The following DPP6 variants were observed in gnomAD, a reference collection of about 807,000 sequenced individuals.
DPP6 encodes A-type potassium channel modulatory protein DPP6.
Under a neutral mutation model 122.6 loss-of-function variants are expected in DPP6, and 69 were observed. That is an observed-to-expected ratio of 0.56 (90% CI 0.46 to 0.69). DPP6 has a LOEUF of 0.69. Ranked by LOEUF, DPP6 falls within the 30% of genes least tolerant of loss-of-function variation. DPP6 has a pLI of 0.00. For missense variants in DPP6, 928 were observed against 1,116.9 expected (o/e 0.83, Z 2.41); for synonymous variants, 418 against 433.1 (o/e 0.97, Z 0.43).
At chr7:154,852,680 G>A (rs1802507058) in intron 16 of DPP6, among the ~76,000 whole-genome samples, 3 of 152,184 alleles carry the variant, frequency 2.0e-5, no homozygotes, top group African/African-American at 7.2e-5. Context: ...TGACTGTCTC[G>A]GAGCTTACAT....
chr7:154,476,556 C>G (rs920320725), intron 3 of DPP6, among the ~76,000 whole-genome samples: 1 of 152,168 alleles, frequency 6.6e-6, no homozygotes, highest in Non-Finnish European at 1.5e-5. Flanking sequence ...TCCTAACACA[C>G]AAGACTCAGA....
chr7:154,876,370 G>C (rs970703653), intron 20 of DPP6: 7 of 494,866 alleles, frequency 1.4e-5, no homozygotes, highest in Non-Finnish European at 1.9e-5. Flanking sequence ...GGTTGGGTTG[G>C]CTTGGCTTTT....
chr7:154,807,176 G>A lies in DPP6; in HGVS notation c.1666+64G>A. ...CAGGCACATTTGCAGGGAGGGGGTG[G>A]GCACACTTGCAGGGAGGGGGCAGCG... is the stretch of plus-strand genomic sequence containing the variant. On this transcript the variant is annotated intron_variant, in intron 16 of 25. Transcript: ENST00000377770. 3.2e-6 allele frequency: 5 copies of A among 1,584,470 alleles called. No individual in the cohort carries two copies. The South Asian group carries it at 5.7e-5, about 18-fold the overall frequency.
chr7:154,050,777 T>C (rs538424577), upstream of DPP6, among the ~76,000 whole-genome samples: 34 of 123,636 alleles, frequency 2.8e-4, no homozygotes, highest in Non-Finnish European at 5.4e-4. Context: ...TGGTTTTACT[T>C]GGTTTTGTAT....
At chr7:154,247,218 C>T (rs941454000) in intron 1 of DPP6, among the ~76,000 whole-genome samples, 1 of 152,142 alleles carries the variant, frequency 6.6e-6, no homozygotes, top group Non-Finnish European at 1.5e-5. Flanking sequence ...GAGGCTGAGG[C>T]AGGAGAATCC....
the DPP6 span, among the ~76,000 whole-genome samples, chr7:153,826,498 C>T: frequency 3.9e-5 from 6 of 152,032 alleles, no homozygotes; most frequent in African/African-American, 1.2e-4. Flanking sequence ...TTTTGGTCTG[C>T]GACATTTTTA....
chr7:154,691,026 C>G (rs1264104792), intron 7 of DPP6, among the ~76,000 whole-genome samples: 1 of 152,034 alleles, frequency 6.6e-6, no homozygotes, highest in Non-Finnish European at 1.5e-5. Context: ...GGTTGTCAGG[C>G]GGAAAAGGTT....
chr7:154,375,999 A>G (rs1480338707), intron 1 of DPP6, among the ~76,000 whole-genome samples: 1 of 152,162 alleles, frequency 6.6e-6, no homozygotes, highest in Admixed American at 6.5e-5. Context: ...AGGTTGGTGC[A>G]TTTCACATTA....
intron 1 of DPP6, among the ~76,000 whole-genome samples, chr7:154,429,238 G>A (rs1190734509): frequency 6.6e-6 from 1 of 151,534 alleles, no homozygotes; most frequent in Non-Finnish European, 1.5e-5. Context: ...AATGAGTTCT[G>A]GGAAATCCAT....
intron 3 of DPP6, 85 bp from the exon 4 acceptor site, chr7:154,540,447 A>G: frequency 1.2e-6 from 1 of 846,710 alleles, no homozygotes; most frequent in South Asian, 1.5e-5. Context: ...AGAACTAGTG[A>G]TTTTACTTTA....
At chr7:153,895,646 G>C (rs1584996587) in intron 1 of DPP6, among the ~76,000 whole-genome samples, 1 of 151,762 alleles carries the variant, frequency 6.6e-6, no homozygotes, top group Non-Finnish European at 1.5e-5. Flanking sequence ...AAAATCTAGA[G>C]CATTCATGCA....
At chr7:154,670,140 G>A (rs1435087511) in intron 7 of DPP6, among the ~76,000 whole-genome samples, 18 of 150,410 alleles carry the variant, frequency 1.2e-4, no homozygotes, top group Admixed American at 3.3e-4. Context: ...CATTACAGGC[G>A]TGAGCTACCG....
intron 1 of DPP6, among the ~76,000 whole-genome samples, chr7:154,173,801 C>T (rs1434694335): frequency 6.6e-6 from 1 of 152,184 alleles, no homozygotes; most frequent in African/African-American, 2.4e-5. Flanking sequence ...GTGGGTCTGA[C>T]ATCCTGAGAA....
chr7:153,816,573 T>A, the DPP6 span, among the ~76,000 whole-genome samples: 7 of 152,262 alleles, frequency 4.6e-5, no homozygotes, highest in African/African-American at 1.7e-4. Flanking sequence ...TTTAAAATGA[T>A]TGAAATAAGA....
At chr7:154,548,927 C>T (rs943343705) in intron 4 of DPP6, among the ~76,000 whole-genome samples, 4 of 152,010 alleles carry the variant, frequency 2.6e-5, no homozygotes, top group African/African-American at 7.3e-5. Context: ...GGAGAAAAGT[C>T]GGAAATGGCA....
chr7:154,474,127 C>A (rs1052218366), intron 2 of DPP6, among the ~76,000 whole-genome samples: 9 of 152,186 alleles, frequency 5.9e-5, no homozygotes, highest in African/African-American at 2.2e-4. Flanking sequence ...GTCAGGCATG[C>A]TGACAGCCCT....
chr7:154,429,656 A>G (rs73726872), intron 1 of DPP6, among the ~76,000 whole-genome samples: 5,139 of 152,270 alleles, frequency 0.034, 222 homozygotes, highest in African/African-American at 0.099. Flanking sequence ...TGTCACTGTC[A>G]TGGTTGAATA....
chr7:154,859,538 T>G lies in DPP6; in HGVS notation c.1714+5711T>G, dbSNP rs369894100. Among the ~76,000 whole-genome samples the G allele has an allele frequency of 3.8e-4, 58 of 152,360 alleles. No individual in the cohort carries two copies. The East Asian group carries it at 0.01, about 27-fold the overall frequency. On this transcript the variant is annotated intron_variant, in intron 17 of 25. Transcript: ENST00000377770. Reference sequence around the variant, plus strand: ...ATTACTGTTTCAGAATTCTTTGTCCTTTCCCCTCCTCTCCCCCACTGACCC... The same window carrying G: ...ATTACTGTTTCAGAATTCTTTGTCCGTTCCCCTCCTCTCCCCCACTGACCC...
intron 1 of DPP6, among the ~76,000 whole-genome samples, chr7:153,941,095 C>T (rs1344251923): frequency 2.6e-5 from 4 of 152,140 alleles, no homozygotes; most frequent in South Asian, 2.1e-4. Flanking sequence ...TTGTCCCTAA[C>T]GGAAGGGTTA....
Sources: gnomAD v4.1 joint callset for allele counts (sites outside exome capture counted in the v4.1 genomes callset) on GRCh38, gnomAD v4.1.1 for gene constraint, MANE v1.5 for transcripts, NCBI Gene and HGNC (gene_info 2026-07-23, HGNC 2026-07-21) for gene names.